CAP2: variants seen among roughly 807,000 people sequenced by gnomAD.
CAP2 encodes the protein cyclase associated actin cytoskeleton regulatory protein 2.
CAP2 carries 24 observed loss-of-function variants against 57.7 expected under a neutral mutation model. That is an observed-to-expected ratio of 0.42 (90% CI 0.30 to 0.58). The LOEUF (loss-of-function observed/expected upper bound fraction) is 0.58, where lower values mean the gene tolerates loss of function less well. Ranked by LOEUF, CAP2 falls within the 20% of genes least tolerant of loss-of-function variation. The pLI, the probability that CAP2 is intolerant of heterozygous loss-of-function variation, is 0.22. For synonymous variants in CAP2, 194 were observed against 207.2 expected (o/e 0.94, Z 0.55); for missense variants, 501 against 590.3 (o/e 0.85, Z 1.57).
chr6:17,450,057 T>TC (rs953877621), intron 3 of CAP2, among the ~76,000 whole-genome samples: 2 of 145,820 alleles, frequency 1.4e-5, no homozygotes, highest in African/African-American at 5.0e-5. Flanking sequence ...AGTTCTACCT[T>TC]TTTTTTTTTT....
At chr6:17,549,703 T>C (rs1323460715) in intron 11 of CAP2, among the ~76,000 whole-genome samples, 2 of 152,230 alleles carry the variant, frequency 1.3e-5, no homozygotes, top group South Asian at 4.1e-4. Context: ...GTTAACTGAA[T>C]CTTATGCCTA....
Position 17,541,002 on chromosome 6 carries a change from A to G in CAP2, c.856A>G (p.Thr286Ala). 1 of 1,614,046 alleles carries G rather than the reference A, an allele frequency of 6.2e-7. No individual in the cohort carries two copies. Among genetic ancestry groups the G allele is most frequent in the Non-Finnish European group, 8.5e-7 (1 of 1,179,938 alleles). ...GLRHVTDDQK[T>A]YKNPSLRAQG... is the part of the protein sequence containing the mutation. The stretch of plus-strand genomic sequence containing the variant: ...CCGCCATGTCACAGATGACCAGAAG[A>G]CATACAAAAATCCCAGCCTGCGGGC... The change falls in exon 9 of 13, where the codon ACA (threonine) becomes GCA (alanine). Residue 286 changes from threonine to alanine, a missense_variant. Thr to Ala is a moderately conservative substitution (Grantham distance 58). Coordinates refer to ENST00000229922, the MANE Select transcript of CAP2 (RefSeq NM_006366.3).
chr6:17,426,690 T>C lies in CAP2; in HGVS notation c.222T>C (p.His74=), dbSNP rs201098819. ...SRILAGDVET[H]AEMVHSAFQA... ...TCCTTGCTGGGGACGTGGAGACCCA[T>C]GTAAGTACTTTCCTCCCCTGTTCTC... Residue 74 remains histidine (H), a splice_region_variant and synonymous_variant, in exon 3 of 13, where the codon CAT becomes CAC. Transcript: ENST00000229922. 26 of 1,604,236 alleles carry C rather than the reference T, an allele frequency of 1.6e-5. No individual in the cohort carries two copies. Among genetic ancestry groups the C allele is most frequent in the South Asian group, 1.2e-4 (11 of 90,888 alleles).
At chr6:17,474,256 G>A (rs930662149) in intron 4 of CAP2, among the ~76,000 whole-genome samples, 2 of 118,800 alleles carry the variant, frequency 1.7e-5, no homozygotes, top group Admixed American at 2.2e-4. Flanking sequence ...TCATGCTTAA[G>A]TTTATAGTGG....
At chr6:17,556,336 T>C in intron 12 of CAP2, 23 bp from the exon 13 acceptor site, 1 of 1,542,698 alleles carries the variant, frequency 6.5e-7, no homozygotes. Flanking sequence ...TTAAATAACT[T>C]TGTTGTTCTT....
At chr6:17,421,194 C>A (rs187572317) in intron 1 of CAP2, among the ~76,000 whole-genome samples, 32 of 152,012 alleles carry the variant, frequency 2.1e-4, no homozygotes, top group African/African-American at 7.2e-4. Flanking sequence ...GCTATGAGGA[C>A]GCAAAGGCAT....
intron 11 of CAP2, among the ~76,000 whole-genome samples, chr6:17,550,026 A>G (rs967301347): frequency 6.6e-6 from 1 of 152,214 alleles, no homozygotes; most frequent in Non-Finnish European, 1.5e-5. Context: ...AAGTTAATAA[A>G]TAAATCCTCC....
rs112726458 is a variant in CAP2, at chr6:17,457,906, A to G, written c.223-5090A>G. Among the ~76,000 whole-genome samples the G allele has an allele frequency of 1.7e-3, 262 of 152,364 alleles. 1 individual carries two copies. Among genetic ancestry groups the G allele is most frequent in the African/African-American group, 5.6e-3 (231 of 41,590 alleles). ...CTACAATTTTAACTGCAGAAGTCAG[A>G]CCATCTGAATTACTGTTTCCACAGC... On this transcript the variant is annotated intron_variant, in intron 3 of 12. Coordinates refer to ENST00000229922, the MANE Select transcript of CAP2 (RefSeq NM_006366.3).
chr6:17,453,102 G>T (rs1760458264), intron 3 of CAP2, among the ~76,000 whole-genome samples: 2 of 152,206 alleles, frequency 1.3e-5, no homozygotes, highest in Non-Finnish European at 2.9e-5. Context: ...TCACCATGTT[G>T]TTCCATTCAT....
chr6:17,536,122 C>A, intron 7 of CAP2: 1 of 448,500 alleles, frequency 2.2e-6, no homozygotes, highest in South Asian at 1.6e-5. Flanking sequence ...CGCGCCCAGC[C>A]TTCTCTCTGT....
At chr6:17,531,516 G>C (rs777675272) in intron 7 of CAP2, 13 of 1,508,118 alleles carry the variant, frequency 8.6e-6, no homozygotes, top group Non-Finnish European at 1.2e-5. Flanking sequence ...GCCTTTCAAA[G>C]CATCTTTTGG....
intron 1 of CAP2, among the ~76,000 whole-genome samples, chr6:17,417,009 G>GCTCTCCCTT (rs1759295334): frequency 6.6e-6 from 1 of 151,972 alleles, no homozygotes; most frequent in Non-Finnish European, 1.5e-5. Flanking sequence ...TTTGGTGGGA[G>GCTCTCCCTT]GCTCCCTTGA....
intron 4 of CAP2, among the ~76,000 whole-genome samples, chr6:17,468,654 G>A (rs368402891): frequency 6.6e-6 from 1 of 152,176 alleles, no homozygotes; most frequent in East Asian, 1.9e-4. Context: ...GAATGGCCCA[G>A]TTCTTACAGC....
intron 1 of CAP2, among the ~76,000 whole-genome samples, chr6:17,405,057 G>T (rs937327877): frequency 6.6e-6 from 1 of 152,030 alleles, no homozygotes; most frequent in Non-Finnish European, 1.5e-5. Context: ...CATATACCAC[G>T]TTTTTTCCTA....
chr6:17,478,136 G>A (rs920508200), intron 4 of CAP2, among the ~76,000 whole-genome samples: 1 of 150,312 alleles, frequency 6.7e-6, no homozygotes, highest in African/African-American at 2.4e-5. Context: ...ATGACCCCTC[G>A]GTTGCTTTTT....
intron 2 of CAP2, 62 bp from the exon 3 acceptor site, chr6:17,426,528 C>A (rs1170549844): frequency 8.1e-7 from 1 of 1,227,202 alleles, no homozygotes; most frequent in Non-Finnish European, 1.2e-6. Flanking sequence ...AGCCACCGTG[C>A]CCGGCTAGTC....
intron 4 of CAP2, among the ~76,000 whole-genome samples, chr6:17,472,461 T>C (rs1365036350): frequency 6.6e-6 from 1 of 152,232 alleles, no homozygotes; most frequent in Non-Finnish European, 1.5e-5. Context: ...AACTAAAATA[T>C]CTGCTTAAAT....
At chr6:17,482,124 T>C (rs1761302750) in intron 4 of CAP2, among the ~76,000 whole-genome samples, 1 of 152,232 alleles carries the variant, frequency 6.6e-6, no homozygotes, top group Non-Finnish European at 1.5e-5. Context: ...TGAGCTTCCT[T>C]ATTCTGTTTT....
At position 17,487,452 on chromosome 6, in the gene CAP2, G is replaced by GGTTT. The variant is rs71819597; in HGVS notation, c.301-19688_301-19685dup. Among the ~76,000 whole-genome samples, 1,417 of 151,412 alleles carry GGTTT rather than the reference G, an allele frequency of 9.4e-3. 12 individuals carry two copies. Among genetic ancestry groups the GGTTT allele is most frequent in the African/African-American group, 0.012 (503 of 41,002 alleles). On this transcript the variant is annotated intron_variant, in intron 4 of 12. Coordinates refer to ENST00000229922, the MANE Select transcript of CAP2 (RefSeq NM_006366.3). ...TCATCACCCAGAATGCCACCAGGTGGGTTTGTTTGTTTGTTTGTTTGTTTG... is the reference window on the plus strand; with the variant it reads ...TCATCACCCAGAATGCCACCAGGTGGGTTTGTTTGTTTGTTTGTTTGTTTGTTTG...
Sources: allele counts gnomAD v4.1 joint callset (sites outside exome capture counted in the v4.1 genomes callset), GRCh38; gene constraint gnomAD v4.1.1; transcripts MANE v1.5; gene names NCBI Gene and HGNC (gene_info 2026-07-23, HGNC 2026-07-21).